Variants in RALYL observed in about 807,000 individuals in gnomAD.
RALYL encodes the protein RALY RNA binding protein like.
Under a neutral mutation model 35.1 loss-of-function variants are expected in RALYL, and 29 were observed. The ratio of observed to expected loss-of-function variants is 0.83; its 90% confidence interval spans 0.61 to 1.13. The LOEUF is 1.13. Ranked by LOEUF, RALYL falls within the 50% of genes most tolerant of loss-of-function variation. RALYL has a pLI of 0.00. For missense variants in RALYL, 359 were observed against 360.4 expected, an observed-to-expected ratio of 1.00 and a Z score of 0.03; for synonymous variants, 120 against 127.6, an observed-to-expected ratio of 0.94 and a Z score of 0.40.
At chr8:84,290,576 C>T (rs1838584630) in intron 1 of RALYL, among the ~76,000 whole-genome samples, 1 of 152,120 alleles carries the variant, frequency 6.6e-6, no homozygotes, top group African/African-American at 2.4e-5. Context: ...AAGGTAATGT[C>T]ATCAGTTAAG....
At chr8:84,347,626 C>A (rs1850085005) in intron 1 of RALYL, among the ~76,000 whole-genome samples, 1 of 152,070 alleles carries the variant, frequency 6.6e-6, no homozygotes, top group Non-Finnish European at 1.5e-5. Context: ...ATTGCTTCAC[C>A]TTGGTTCTAA....
At chr8:84,272,094 T>C (rs151284279) in intron 1 of RALYL, among the ~76,000 whole-genome samples, 342 of 152,044 alleles carry the variant, frequency 2.2e-3, no homozygotes, top group African/African-American at 7.9e-3. Flanking sequence ...TGTTTTGTTT[T>C]ATTTTTGTTT....
chr8:84,802,454 G>C (rs185263567), intron 3 of RALYL, among the ~76,000 whole-genome samples: 1 of 152,212 alleles, frequency 6.6e-6, no homozygotes, highest in East Asian at 1.9e-4. Context: ...GAAGGAGCTG[G>C]TTGAAGTGGG....
chr8:84,569,106 A>C (rs1383894358), intron 2 of RALYL, among the ~76,000 whole-genome samples: 1 of 151,478 alleles, frequency 6.6e-6, no homozygotes, highest in Non-Finnish European at 1.5e-5. Context: ...GGTGTTTTAG[A>C]CATGAAGTCC....
chr8:84,720,293 C>T (rs1034896154), intron 2 of RALYL, among the ~76,000 whole-genome samples: 3 of 152,112 alleles, frequency 2.0e-5, no homozygotes, highest in Admixed American at 6.6e-5. Context: ...CAGCATGGTA[C>T]TGTCATAAAA....
intron 1 of RALYL, among the ~76,000 whole-genome samples, chr8:84,365,852 A>G (rs1052821840): frequency 6.6e-6 from 1 of 152,198 alleles, no homozygotes; most frequent in African/African-American, 2.4e-5. Context: ...TTAAGAACCT[A>G]AAGCATCTAC....
chr8:84,787,328 AG>A (rs1480912306), intron 3 of RALYL, among the ~76,000 whole-genome samples: 2 of 152,148 alleles, frequency 1.3e-5, no homozygotes, highest in Non-Finnish European at 2.9e-5. Flanking sequence ...GTCCCTGCAA[AG>A]GACATGAACT....
At chr8:84,775,472 CTCAG>C (rs776548240) in intron 3 of RALYL, among the ~76,000 whole-genome samples, 9 of 152,174 alleles carry the variant, frequency 5.9e-5, no homozygotes, top group Admixed American at 1.3e-4. Context: ...TTAAATTCCA[CTCAG>C]TCAGTCAGCC....
chr8:84,888,767 T>C lies in RALYL; in HGVS notation c.858+991T>C, dbSNP rs919185093. ...GTTTATTTATTGAATTAATTATTTT[T>C]GAGACAGAGTCTCACTCTGTCCCCC... On this transcript the variant is annotated intron_variant, in intron 8 of 8. Coordinates refer to ENST00000521268, the MANE Select transcript of RALYL (RefSeq NM_173848.7). 2.6e-5 allele frequency among the ~76,000 whole-genome samples: 4 copies of C among 152,190 alleles called. No individual in the cohort carries two copies. In the East Asian group the frequency reaches 7.7e-4, roughly 29 times the overall value.
chr8:84,873,527 C>G (rs1840603810), intron 7 of RALYL, 130 bp downstream of exon 7: 1 of 479,360 alleles, frequency 2.1e-6, no homozygotes. Flanking sequence ...CCAACAATGT[C>G]TTTAAGCCCA....
chr8:84,359,707 G>A (rs1852561610), intron 1 of RALYL, among the ~76,000 whole-genome samples: 2 of 151,998 alleles, frequency 1.3e-5, no homozygotes, highest in African/African-American at 2.4e-5. Flanking sequence ...CATGCTCTGA[G>A]AGGAAAATGA....
At chr8:84,837,877 A>T (rs749876136) in intron 4 of RALYL, among the ~76,000 whole-genome samples, 1 of 152,244 alleles carries the variant, frequency 6.6e-6, no homozygotes, top group Non-Finnish European at 1.5e-5. Flanking sequence ...AATACCTGCC[A>T]TAAGCCAATG....
intron 4 of RALYL, among the ~76,000 whole-genome samples, chr8:84,844,178 G>A (rs1834070967): frequency 6.6e-6 from 1 of 152,092 alleles, no homozygotes; most frequent in Non-Finnish European, 1.5e-5. Context: ...AGAGTGAACA[G>A]GCAACCTACA....
In RALYL at chr8:84,293,238, G is replaced by C. The variant is rs997748905; in HGVS notation, c.-24+108814G>C. 7.9e-5 allele frequency among the ~76,000 whole-genome samples: 12 copies of C among 152,082 alleles called. No homozygotes were observed. In the East Asian group the frequency reaches 9.6e-4, roughly 12 times the overall value. On this transcript the variant is annotated intron_variant, in intron 1 of 8. Coordinates refer to ENST00000521268, the MANE Select transcript of RALYL (RefSeq NM_173848.7). Reference sequence around the variant, plus strand: ...TTCAAAATAGGAAGAAAAAGAGAGCGAGAGAAAGAACAACTCCAATTGTTA... The same window carrying C: ...TTCAAAATAGGAAGAAAAAGAGAGCCAGAGAAAGAACAACTCCAATTGTTA...
At chr8:84,740,195 C>T (rs66617448) in intron 2 of RALYL, among the ~76,000 whole-genome samples, 40,628 of 151,580 alleles carry the variant, frequency 0.27, 5,729 homozygotes, top group African/African-American at 0.34. Flanking sequence ...GTGTGCATAA[C>T]GTCCAAGAGC....
intron 2 of RALYL, among the ~76,000 whole-genome samples, chr8:84,770,426 TA>T (rs1815161636): frequency 1.0e-5 from 1 of 96,142 alleles, no homozygotes. Flanking sequence ...ATACACACCA[TA>T]ATTTCTTTAT....
At chr8:84,252,424 A>G (rs1384709024) in intron 1 of RALYL, among the ~76,000 whole-genome samples, 1 of 152,116 alleles carries the variant, frequency 6.6e-6, no homozygotes, top group Non-Finnish European at 1.5e-5. Context: ...AAACTCACAA[A>G]CGCCTACACG....
At chr8:84,795,168 T>C (rs1487606839) in intron 3 of RALYL, among the ~76,000 whole-genome samples, 3 of 152,234 alleles carry the variant, frequency 2.0e-5, no homozygotes, top group Non-Finnish European at 4.4e-5. Flanking sequence ...ATTGATTCTA[T>C]ATAGGAAAAT....
chr8:84,517,600 C>G (rs1366931495), intron 1 of RALYL, among the ~76,000 whole-genome samples: 1 of 152,120 alleles, frequency 6.6e-6, no homozygotes, highest in African/African-American at 2.4e-5. Context: ...CACTAGTAAT[C>G]AAAGTCCAAA....
Sources: gnomAD v4.1 joint callset for allele counts (sites outside exome capture counted in the v4.1 genomes callset) on GRCh38, gnomAD v4.1.1 for gene constraint, MANE v1.5 for transcripts, NCBI Gene and HGNC (gene_info 2026-07-23, HGNC 2026-07-21) for gene names.